RLF: variants seen among roughly 807,000 people sequenced by gnomAD.
RLF encodes RLF zinc finger.
In RLF, 7 loss-of-function variants were observed where a neutral mutation model predicts 162.9. That is an observed-to-expected ratio of 0.04 (90% CI 0.02 to 0.08). The LOEUF (loss-of-function observed/expected upper bound fraction) is 0.08, where lower values mean the gene tolerates loss of function less well. Among genes scored for constraint, RLF ranks in the 10% least tolerant of loss-of-function variants. RLF has a pLI of 1.00. For missense variants in RLF, 1,664 were observed against 2,244.7 expected (o/e 0.74, Z 5.23); for synonymous variants, 782 against 791.5 (o/e 0.99, Z 0.20).
intron 4 of RLF, among the ~76,000 whole-genome samples, chr1:40,200,700 G>A (rs1415013459): frequency 1.3e-5 from 2 of 151,282 alleles, no homozygotes; most frequent in East Asian, 3.9e-4. Flanking sequence ...AGGGTAGGAG[G>A]GAGAAAAACT....
intron 1 of RLF, among the ~76,000 whole-genome samples, chr1:40,175,802 AG>A (rs1553172096): frequency 3.8e-4 from 52 of 137,594 alleles, no homozygotes; most frequent in African/African-American, 1.7e-3. Flanking sequence ...AAAAAAAAAA[AG>A]TACAATTTGG....
chr1:40,238,941 G>C lies in RLF; in HGVS notation c.4239G>C (p.Gln1413His). ...SAARFSCNQPQCPAVFYTFNK... is the reference protein window; with the variant it reads ...SAARFSCNQPHCPAVFYTFNK... Reference sequence around the variant, plus strand: ...CAAGGTTTTCTTGTAACCAGCCTCAGTGCCCTGCTGTTTTTTATACATTCA... The same window carrying C: ...CAAGGTTTTCTTGTAACCAGCCTCACTGCCCTGCTGTTTTTTATACATTCA... The change falls in exon 8 of 8, where the codon CAG (glutamine) becomes CAC (histidine). Residue 1413 changes from glutamine (Q) to histidine (H), a missense_variant. Physicochemically the swap from Gln to His is conservative, Grantham distance 24. Transcript: ENST00000372771. The surrounding 1 kb of genome is among the most constrained non-coding windows in gnomAD (Gnocchi z 5.2). 6.2e-7 allele frequency: 1 copy of C among 1,614,172 alleles called. No individual in the cohort carries two copies. The highest frequency in any genetic ancestry group is 8.5e-7 in the Non-Finnish European group (1 of 1,180,026).
At chr1:40,226,682 A>AT (rs995131984) in intron 6 of RLF, among the ~76,000 whole-genome samples, 10 of 150,732 alleles carry the variant, frequency 6.6e-5, no homozygotes, top group Admixed American at 2.0e-4. Context: ...AGCTTTAAAA[A>AT]TTTTTTTTTT....
intron 3 of RLF, among the ~76,000 whole-genome samples, chr1:40,194,840 TTATTTATTTATG>T (rs927269000): frequency 7.0e-6 from 1 of 141,952 alleles, no homozygotes; most frequent in African/African-American, 2.8e-5. Flanking sequence ...ATTTATTTAT[TTATTTATTTATG>T]AGACGGAGTC....
At chr1:40,227,366 G>T (rs867280605) in intron 6 of RLF, among the ~76,000 whole-genome samples, 3 of 152,054 alleles carry the variant, frequency 2.0e-5, no homozygotes, top group South Asian at 2.1e-4. Flanking sequence ...TCACATTATT[G>T]TAGTAATTGA....
At chr1:40,229,614 C>G in intron 6 of RLF, among the ~76,000 whole-genome samples, 1 of 151,658 alleles carries the variant, frequency 6.6e-6, no homozygotes, top group Admixed American at 6.6e-5. Flanking sequence ...ACCACCACAC[C>G]CAGCTAATTT....
chr1:40,228,710 C>A (rs1287671508), intron 6 of RLF, among the ~76,000 whole-genome samples: 1 of 141,744 alleles, frequency 7.1e-6, no homozygotes, highest in Non-Finnish European at 1.5e-5. Flanking sequence ...CAGCCTTGAA[C>A]TCCTGGGCTC....
chr1:40,192,780 A>G (rs753354608), intron 3 of RLF, among the ~76,000 whole-genome samples: 51 of 152,218 alleles, frequency 3.4e-4, no homozygotes, highest in Non-Finnish European at 1.2e-4. Context: ...AAGGCAGCAA[A>G]TGGTATTAAG....
At chr1:40,178,457 A>G (rs1160619587) in intron 1 of RLF, among the ~76,000 whole-genome samples, 3 of 152,170 alleles carry the variant, frequency 2.0e-5, no homozygotes, top group Non-Finnish European at 4.4e-5. Flanking sequence ...GTAAGATGAC[A>G]GGAGTTCAGT....
intron 6 of RLF, among the ~76,000 whole-genome samples, chr1:40,226,123 TCA>T (rs1643069314): frequency 6.6e-6 from 1 of 152,196 alleles, no homozygotes; most frequent in African/African-American, 2.4e-5. Flanking sequence ...GAAATTTCGC[TCA>T]GAGACATTTA....
chr1:40,209,889 A>G (rs1172928688), intron 5 of RLF, among the ~76,000 whole-genome samples: 1 of 152,116 alleles, frequency 6.6e-6, no homozygotes, highest in Non-Finnish European at 1.5e-5. Context: ...AAAAAAAAAA[A>G]AAAAGGCGAT....
chr1:40,169,301 C>G (rs1217255522), intron 1 of RLF, among the ~76,000 whole-genome samples: 1 of 151,960 alleles, frequency 6.6e-6, no homozygotes, highest in Non-Finnish European at 1.5e-5. Flanking sequence ...CTGTGTTTCA[C>G]TCCGTATGAT....
intron 1 of RLF, among the ~76,000 whole-genome samples, chr1:40,171,408 C>T (rs1642243244): frequency 6.6e-6 from 1 of 152,098 alleles, no homozygotes; most frequent in Non-Finnish European, 1.5e-5. Context: ...TTAATGTGGA[C>T]ATTTGTTATA....
At chr1:40,201,041 ACCCCCCCCACACCTCACACACACACAC>A (rs1642709289) in intron 4 of RLF, among the ~76,000 whole-genome samples, 1 of 21,246 alleles carries the variant, frequency 4.7e-5, no homozygotes, top group African/African-American at 2.4e-4. Context: ...AAACACACAC[ACCCCCCCCACACCTCACACACACACAC>A]ACCCCCCCCC....
intron 6 of RLF, among the ~76,000 whole-genome samples, chr1:40,227,093 G>A (rs1643088494): frequency 1.3e-5 from 2 of 152,284 alleles, no homozygotes; most frequent in Admixed American, 6.5e-5. Flanking sequence ...TCGAGCTCCT[G>A]ACCTCAGGTG....
chr1:40,202,842 T>G (rs1411556297), intron 5 of RLF, among the ~76,000 whole-genome samples: 2 of 152,202 alleles, frequency 1.3e-5, no homozygotes, highest in South Asian at 2.1e-4. Flanking sequence ...GCATGTTTAC[T>G]TATTTGGGTG....
chr1:40,203,566 G>A (rs61781763), intron 5 of RLF, among the ~76,000 whole-genome samples: 1 of 150,882 alleles, frequency 6.6e-6, no homozygotes, highest in East Asian at 2.0e-4. Context: ...ACTATTTTAT[G>A]TATCAGATTG....
rs371396499 is a variant in RLF at position 40,230,581 on chromosome 1, C to T, written c.948-936C>T. 6.6e-5 allele frequency among the ~76,000 whole-genome samples: 10 copies of T among 152,100 alleles called. No individual in the cohort carries two copies. The East Asian group carries it at 1.9e-3, about 29-fold the overall frequency. On this transcript the variant is annotated intron_variant, in intron 6 of 7. Coordinates refer to ENST00000372771, the MANE Select transcript of RLF (RefSeq NM_012421.4). ...CCAAGTAGCTGGGATTACAGGCATC[C>T]ACCACCACACTCAGCTAAGTTTTAT...
chr1:40,233,960 T>C (rs1470517478), intron 7 of RLF, among the ~76,000 whole-genome samples: 2 of 152,186 alleles, frequency 1.3e-5, no homozygotes, highest in African/African-American at 4.8e-5. Flanking sequence ...AATATCTTCT[T>C]TTTTTTGAGA....
Sources: gnomAD v4.1 joint callset for allele counts (sites outside exome capture counted in the v4.1 genomes callset) on GRCh38, gnomAD v4.1.1 for gene constraint, Gnocchi (gnomAD v3.1) non-coding constraint, MANE v1.5 for transcripts, NCBI Gene and HGNC (gene_info 2026-07-23, HGNC 2026-07-21) for gene names.